MAP4K3: variants seen among roughly 807,000 people sequenced by gnomAD.
MAP4K3 encodes the protein MAPK/ERK kinase kinase kinase 3.
A neutral mutation model predicts 143.5 loss-of-function variants in MAP4K3; 94 were observed. That is an observed-to-expected ratio of 0.65 (90% CI 0.55 to 0.78). MAP4K3 has a LOEUF of 0.78. MAP4K3 is among the 30% of genes least tolerant of loss of function. The probability of loss-of-function intolerance (pLI) is 0.00; values close to 1 mark genes in which losing one functional copy is unlikely to be tolerated. For synonymous variants in MAP4K3, 416 were observed against 347.2 expected (o/e 1.20, Z -2.20); for missense variants, 1,077 against 1,068.1 (o/e 1.01, Z -0.12).
chr2:39,326,392 T>A, intron 8 of MAP4K3, 115 bp from the exon 9 acceptor site: 1 of 1,138,234 alleles, frequency 8.8e-7, no homozygotes, highest in Non-Finnish European at 1.3e-6. Flanking sequence ...TAGGCCTTGG[T>A]TTTTGAAAAA....
chr2:39,389,268 C>G (rs1167064182), intron 1 of MAP4K3, among the ~76,000 whole-genome samples: 1 of 151,922 alleles, frequency 6.6e-6, no homozygotes, highest in African/African-American at 2.4e-5. Flanking sequence ...AATGGCAGAT[C>G]TGAAGCAGCA....
rs190966031 is a variant in MAP4K3 at position 39,266,806 on chromosome 2, A to G, written c.2032+383T>C. Among the ~76,000 whole-genome samples the G allele has an allele frequency of 1.2e-3, 187 of 152,306 alleles. 1 individual carries two copies. The highest frequency in any genetic ancestry group is 4.4e-3 in the African/African-American group (182 of 41,562). ...GTGAGAGGAAGGTGAACATAAAAAT[A>G]CATGCTGAAGGAATAAATGCCATCT... is the stretch of plus-strand genomic sequence containing the variant. On this transcript the variant is annotated intron_variant, in intron 27 of 33. Coordinates refer to ENST00000263881, the MANE Select transcript of MAP4K3 (RefSeq NM_003618.4).
intron 12 of MAP4K3, among the ~76,000 whole-genome samples, chr2:39,320,257 G>A (rs562041808): frequency 2.6e-5 from 4 of 152,160 alleles, no homozygotes; most frequent in Non-Finnish European, 5.9e-5. Context: ...CTATTGCAGA[G>A]AAGACTGCAA....
chr2:39,282,533 G>A lies in MAP4K3; in HGVS notation c.1609C>T (p.Pro537Ser). 6.2e-7 allele frequency: 1 copy of A among 1,611,760 alleles called. No individual in the cohort carries two copies. Among genetic ancestry groups the A allele is most frequent in the South Asian group, 1.1e-5 (1 of 90,520 alleles). Residue 537 changes from proline to serine, a missense_variant, in exon 22 of 34, where the codon CCT becomes TCT. Coordinates refer to ENST00000263881, the MANE Select transcript of MAP4K3 (RefSeq NM_003618.4). ...DVPKPISNGL[P>S]PTPKVHMGAC... ...CTTACATGCACTTTAGGTGTTGGAG[G>A]AAGACCATTACTAATAGGCTTCTAG...
chr2:39,284,120 T>A (rs1471847607), intron 21 of MAP4K3, among the ~76,000 whole-genome samples: 1 of 152,214 alleles, frequency 6.6e-6, no homozygotes, highest in African/African-American at 2.4e-5. Context: ...TGTTATTAAA[T>A]TATCTGATGT....
chr2:39,256,975 A>G (rs963041197), intron 31 of MAP4K3, among the ~76,000 whole-genome samples: 3 of 152,192 alleles, frequency 2.0e-5, no homozygotes, highest in African/African-American at 7.2e-5. Context: ...GACCCTGGCT[A>G]TGTCTTTGAA....
In MAP4K3 at chr2:39,364,865, C is replaced by CAAA. The variant is rs70957105; in HGVS notation, c.155-8529_155-8527dup. On this transcript the variant is annotated intron_variant, in intron 2 of 33. Transcript: ENST00000263881. ...TGGGCAACAGAGAGAAACTCTGTCT[C>CAAA]AAAAAAAAAAAAAAAAAAAGATAAT... Among the ~76,000 whole-genome samples the CAAA allele has an allele frequency of 7.1e-4, 81 of 114,662 alleles. 2 individuals carry two copies. The highest frequency in any genetic ancestry group is 8.9e-3 in the Middle Eastern group (2 of 224). 75.2% of individuals were successfully genotyped at this position (114,662 alleles called of 152,430 possible). A position where few individuals can be genotyped will look rare whatever the true frequency, so the allele number is the denominator to read the frequency against.
chr2:39,260,947 A>G (rs1179549215), intron 28 of MAP4K3, 170 bp from the exon 29 acceptor site: 1 of 547,550 alleles, frequency 1.8e-6, no homozygotes, highest in African/African-American at 1.9e-5. Context: ...TTTTAGGTTT[A>G]CCACCGCAAA....
chr2:39,278,172 C>T (rs1335272882), intron 24 of MAP4K3, among the ~76,000 whole-genome samples: 2 of 151,850 alleles, frequency 1.3e-5, no homozygotes, highest in Admixed American at 1.3e-4. Flanking sequence ...CTCCCAGCTA[C>T]TTGGGAGGCT....
rs561897885 is a variant in MAP4K3, at chr2:39,379,966, C to T, written c.97-1843G>A. On this transcript the variant is annotated intron_variant, in intron 1 of 33. Transcript: ENST00000263881. Reference sequence around the variant, plus strand: ...TTTACTAACACCAGCATATATTTAACAGAAAAATTATGACACTAACTACTG... The same window carrying T: ...TTTACTAACACCAGCATATATTTAATAGAAAAATTATGACACTAACTACTG... Among the ~76,000 whole-genome samples the T allele has an allele frequency of 1.3e-3, 199 of 152,182 alleles. 3 individuals are homozygous for T. The highest frequency in any genetic ancestry group is 4.6e-3 in the African/African-American group (193 of 41,544).
In MAP4K3 at chr2:39,313,265, G is replaced by C. The variant is rs557490005; in HGVS notation, c.997+2045C>G. On this transcript the variant is annotated intron_variant, in intron 13 of 33. Transcript: ENST00000263881. ...TTCAGGGTACATATGCAGGTTTGTT[G>C]TATAGGTAAACTTGCATCGCGGGGG... Among the ~76,000 whole-genome samples, 15 of 152,228 alleles carry C rather than the reference G, an allele frequency of 9.9e-5. No individual in the cohort carries two copies. In the East Asian group the frequency reaches 2.7e-3, roughly 27 times the overall value.
At chr2:39,342,065 T>C (rs1665155097) in intron 4 of MAP4K3, among the ~76,000 whole-genome samples, 1 of 151,840 alleles carries the variant, frequency 6.6e-6, no homozygotes, top group Non-Finnish European at 1.5e-5. Context: ...CATGTTACTG[T>C]GCCAAGGCTT....
chr2:39,398,341 A>G (rs1666865051), intron 1 of MAP4K3, among the ~76,000 whole-genome samples: 1 of 152,178 alleles, frequency 6.6e-6, no homozygotes, highest in Non-Finnish European at 1.5e-5. Context: ...ACTGACTGAT[A>G]TAACGAGAGA....
chr2:39,255,227 A>G (rs957283678), intron 31 of MAP4K3, among the ~76,000 whole-genome samples: 1 of 152,216 alleles, frequency 6.6e-6, no homozygotes, highest in Non-Finnish European at 1.5e-5. Context: ...GCATTATTAC[A>G]AACAATTTTG....
intron 32 of MAP4K3, among the ~76,000 whole-genome samples, chr2:39,253,872 A>C (rs1293448207): frequency 6.6e-6 from 1 of 152,212 alleles, no homozygotes; most frequent in African/African-American, 2.4e-5. Context: ...ACTGACTTGA[A>C]TATGTCACAC....
intron 24 of MAP4K3, among the ~76,000 whole-genome samples, chr2:39,273,280 G>A (rs1407400487): frequency 2.6e-5 from 4 of 152,126 alleles, no homozygotes; most frequent in Non-Finnish European, 5.9e-5. Context: ...ACAACACCTG[G>A]GCACATGGTA....
chr2:39,264,554 T>C (rs1451359546), intron 28 of MAP4K3, among the ~76,000 whole-genome samples: 1 of 152,154 alleles, frequency 6.6e-6, no homozygotes, highest in Admixed American at 6.5e-5. Flanking sequence ...TGAGATCAAA[T>C]GCACATGAAA....
intron 1 of MAP4K3, among the ~76,000 whole-genome samples, chr2:39,426,488 A>G (rs1447682823): frequency 6.6e-6 from 1 of 152,008 alleles, no homozygotes; most frequent in Non-Finnish European, 1.5e-5. Context: ...GTTTAAGTAA[A>G]TGTCTTTCAT....
chr2:39,292,792 C>G lies in MAP4K3; in HGVS notation c.1252G>C (p.Asp418His), dbSNP rs1337042984. The G allele has an allele frequency of 6.2e-7, 1 of 1,613,288 alleles. No individual in the cohort carries two copies. The highest frequency in any genetic ancestry group is 2.2e-5 in the East Asian group (1 of 44,840). Residue 418 changes from aspartate (D) to histidine (H), a missense_variant, in exon 18 of 34, where the codon GAT becomes CAT. By Grantham distance (81) the Asp-to-His change is moderately conservative. Coordinates refer to ENST00000263881, the MANE Select transcript of MAP4K3 (RefSeq NM_003618.4). ...HVAHLEDDEG[D>H]DDESKHSTLK... ...ACTTACTGTTTAGATTCATCATCAT[C>G]TCCTTCATCATCTTCTAAATGTGCG... is the stretch of plus-strand genomic sequence containing the variant.
Sources: allele counts gnomAD v4.1 joint callset (sites outside exome capture counted in the v4.1 genomes callset), GRCh38; gene constraint gnomAD v4.1.1; transcripts MANE v1.5; gene names NCBI Gene and HGNC (gene_info 2026-07-23, HGNC 2026-07-21).